The following GPC6 variants were observed in gnomAD, a reference collection of about 807,000 sequenced individuals.
The protein encoded by GPC6 is glypican 6, also known as glypican-6.
GPC6 carries 14 observed loss-of-function variants against 55.2 expected under a neutral mutation model. The observed-to-expected ratio is 0.25, with a 90% CI of 0.17 to 0.40. The LOEUF (loss-of-function observed/expected upper bound fraction) is 0.40, where lower values mean the gene tolerates loss of function less well. Among genes scored for constraint, GPC6 ranks in the 10% least tolerant of loss-of-function variants. The probability of loss-of-function intolerance (pLI) is 1.00; values close to 1 mark genes in which losing one functional copy is unlikely to be tolerated. For synonymous variants in GPC6, 278 were observed against 259.6 expected, an observed-to-expected ratio of 1.07 and a Z score of -0.68; for missense variants, 641 against 708.5, an observed-to-expected ratio of 0.90 and a Z score of 1.08.
At chr13:93,519,643 G>A (rs1311476789) in intron 1 of GPC6, among the ~76,000 whole-genome samples, 2 of 151,996 alleles carry the variant, frequency 1.3e-5, no homozygotes, top group African/African-American at 2.4e-5. Context: ...CAATGTTTGA[G>A]TTTGATTGCA....
At chr13:93,567,977 A>G (rs1055141944) in intron 2 of GPC6, among the ~76,000 whole-genome samples, 1 of 152,174 alleles carries the variant, frequency 6.6e-6, no homozygotes, top group Non-Finnish European at 1.5e-5. Flanking sequence ...TAGCAACTTG[A>G]TGTTCTAAGA....
At chr13:93,566,517 A>G (rs1385790033) in intron 2 of GPC6, among the ~76,000 whole-genome samples, 1 of 150,654 alleles carries the variant, frequency 6.6e-6, no homozygotes, top group Admixed American at 6.6e-5. Flanking sequence ...TCTAGTTGTC[A>G]AGTTGGAGAA....
At chr13:93,768,570 T>C (rs1195685599) in intron 2 of GPC6, among the ~76,000 whole-genome samples, 1 of 152,148 alleles carries the variant, frequency 6.6e-6, no homozygotes. Flanking sequence ...ATGAGACACC[T>C]TCTCTGTCCT....
intron 2 of GPC6, among the ~76,000 whole-genome samples, chr13:93,555,439 G>A (rs1347705688): frequency 6.6e-6 from 1 of 151,908 alleles, no homozygotes; most frequent in Non-Finnish European, 1.5e-5. Context: ...CAGTCTCAAG[G>A]GCACAGACCA....
intron 2 of GPC6, among the ~76,000 whole-genome samples, chr13:93,676,345 T>G (rs927521066): frequency 6.6e-6 from 1 of 150,540 alleles, no homozygotes; most frequent in African/African-American, 2.5e-5. Context: ...TGAACCCGGG[T>G]AGCAGAGGTT....
At chr13:94,301,696 A>G (rs570609927) in intron 5 of GPC6, among the ~76,000 whole-genome samples, 35 of 152,308 alleles carry the variant, frequency 2.3e-4, no homozygotes, top group African/African-American at 8.2e-4. Flanking sequence ...AAATGTTGGC[A>G]TGGCAATAGG....
intron 6 of GPC6, among the ~76,000 whole-genome samples, chr13:94,339,873 C>T (rs1877941258): frequency 1.4e-5 from 2 of 147,882 alleles, no homozygotes; most frequent in Admixed American, 1.4e-4. Flanking sequence ...AAGCAATTCT[C>T]CTGCTTCAGC....
chr13:93,604,119 A>C (rs147556123), intron 2 of GPC6, among the ~76,000 whole-genome samples: 2 of 152,336 alleles, frequency 1.3e-5, no homozygotes, highest in East Asian at 3.9e-4. Context: ...TCCTCTGTTA[A>C]TGTCTTTGGT....
At chr13:94,356,592 A>C (rs1025091317) in intron 6 of GPC6, among the ~76,000 whole-genome samples, 9 of 152,224 alleles carry the variant, frequency 5.9e-5, no homozygotes, top group African/African-American at 2.2e-4. Context: ...ATCTGCCTGA[A>C]AGGATGAAGC....
chr13:94,023,936 G>C (rs1882796703), intron 3 of GPC6, among the ~76,000 whole-genome samples: 1 of 152,088 alleles, frequency 6.6e-6, no homozygotes, highest in South Asian at 2.1e-4. Context: ...CAAAATTATA[G>C]AGTTGGAAAA....
intron 3 of GPC6, among the ~76,000 whole-genome samples, chr13:93,834,166 A>G (rs1346570033): frequency 6.6e-6 from 1 of 152,220 alleles, no homozygotes; most frequent in African/African-American, 2.4e-5. Context: ...TGTGCATACA[A>G]TTAGACGTGT....
chr13:94,264,806 T>C (rs564950878), intron 4 of GPC6, among the ~76,000 whole-genome samples: 1 of 152,242 alleles, frequency 6.6e-6, no homozygotes, highest in Admixed American at 6.5e-5. Context: ...AGGGGTTTAA[T>C]AGACTCACAG....
At chr13:94,401,944 T>TGATTGATTGATA (rs879527236) in intron 8 of GPC6, among the ~76,000 whole-genome samples, 2 of 149,854 alleles carry the variant, frequency 1.3e-5, no homozygotes, top group South Asian at 2.1e-4. Flanking sequence ...ATTGATTGAT[T>TGATTGATTGATA]GATAGATAGA....
chr13:93,557,910 A>AT (rs1875567528), intron 2 of GPC6, among the ~76,000 whole-genome samples: 1 of 151,568 alleles, frequency 6.6e-6, no homozygotes, highest in Non-Finnish European at 1.5e-5. Context: ...GGCATTTCTT[A>AT]TTTTTTCCCA....
chr13:93,996,764 T>C (rs577944743), intron 3 of GPC6, among the ~76,000 whole-genome samples: 20 of 152,282 alleles, frequency 1.3e-4, no homozygotes, highest in African/African-American at 4.1e-4. Flanking sequence ...GGAAGTATGC[T>C]TTTGCTCTTG....
intron 6 of GPC6, among the ~76,000 whole-genome samples, chr13:94,344,082 A>AT (rs1878171372): frequency 6.6e-6 from 1 of 152,216 alleles, no homozygotes; most frequent in South Asian, 2.1e-4. Flanking sequence ...AGAATTAAGG[A>AT]TGTTTTAAAC....
At chr13:93,587,765 A>G (rs1037071) in intron 2 of GPC6, among the ~76,000 whole-genome samples, 105,890 of 152,050 alleles carry the variant, frequency 0.7, 40,760 homozygotes, top group Non-Finnish European at 0.85. Flanking sequence ...TTAACCTCAG[A>G]GTGGACACAA....
chr13:93,689,448 A>G (rs147883629), intron 2 of GPC6, among the ~76,000 whole-genome samples: 1,556 of 152,228 alleles, frequency 0.01, 27 homozygotes, highest in African/African-American at 0.035. Flanking sequence ...AGGAGTATCA[A>G]GCACATTAGG....
chr13:94,186,719 A>G (rs571125009), intron 4 of GPC6, among the ~76,000 whole-genome samples: 2 of 152,310 alleles, frequency 1.3e-5, no homozygotes, highest in South Asian at 4.1e-4. Flanking sequence ...ATAGAGTTCT[A>G]TCTTGATTAA....
Sources: allele counts gnomAD v4.1 joint callset (sites outside exome capture counted in the v4.1 genomes callset), GRCh38; gene constraint gnomAD v4.1.1; transcripts MANE v1.5; gene names NCBI Gene and HGNC (gene_info 2026-07-23, HGNC 2026-07-21).